Variants in SYTL3 observed in about 807,000 individuals in gnomAD.
The protein encoded by SYTL3 is synaptotagmin like 3.
A neutral mutation model predicts 82.1 loss-of-function variants in SYTL3; 88 were observed. The ratio of observed to expected loss-of-function variants is 1.07; its 90% CI spans 0.90 to 1.28. SYTL3 has a LOEUF of 1.28. SYTL3 is among the 50% of genes most tolerant of loss of function. The pLI is 0.00. For missense variants in SYTL3, 831 were observed against 757.6 expected (o/e 1.10, Z -1.14); for synonymous variants, 311 against 289.4 (o/e 1.07, Z -0.76).
intron 6 of SYTL3, among the ~76,000 whole-genome samples, chr6:158,693,696 G>A (rs1271086682): frequency 8.2e-6 from 1 of 122,006 alleles, no homozygotes; most frequent in Non-Finnish European, 1.5e-5. Flanking sequence ...CTTTCTTTTC[G>A]TTTTCTTTCT....
chr6:158,764,579 C>G lies in SYTL3; in HGVS notation c.1808C>G (p.Thr603Arg), dbSNP rs1246579890. 6.8e-6 allele frequency: 11 copies of G among 1,613,848 alleles called. No homozygotes were observed. Among genetic ancestry groups the G allele is most frequent in the Admixed American group, 5.0e-5 (3 of 60,004 alleles). ...GTCCTTTCCAGCCCCAATCTATGGA[C>G]AGACATGACTCTTGTCCTGCACTGA... is the stretch of plus-strand genomic sequence containing the variant. Reference protein sequence around the residue: ...QKVLSSPNLWTDMTLVLH With the variant: ...QKVLSSPNLWRDMTLVLH Residue 603 changes from threonine (T) to arginine (R), a missense_variant, in exon 18 of 18, where the codon ACA becomes AGA. Coordinates refer to ENST00000611299, the MANE Select transcript of SYTL3 (RefSeq NM_001242394.2).
rs767467160 is a variant in SYTL3 at position 158,763,463 on chromosome 6, CTT to C, written c.1679_1680del (p.Phe560TrpfsTer53). 18 of 1,614,184 alleles carry C rather than the reference CTT, an allele frequency of 1.1e-5. No individual in the cohort carries two copies. The highest frequency in any genetic ancestry group is 6.8e-6 in the Non-Finnish European group (8 of 1,180,030). On this transcript the variant is annotated frameshift_variant, in exon 17 of 18. Coordinates refer to ENST00000611299, the MANE Select transcript of SYTL3 (RefSeq NM_001242394.2). LOFTEE classifies it low-confidence loss of function (END_TRUNC). ...AGTTAACTGTCTGGGATCAGGCCCT[CTT>C]TGGAATGAACGACCGCTTGCTTGGA... ...LELTVWDQAL[F>X]GMNDRLLGGT...
intron 11 of SYTL3, among the ~76,000 whole-genome samples, chr6:158,729,098 A>G (rs1289069051): frequency 6.6e-6 from 1 of 152,166 alleles, no homozygotes; most frequent in Admixed American, 6.5e-5. Flanking sequence ...TTTTTTGCCT[A>G]GAATTGTGAC....
At chr6:158,715,616 C>CACACACACACACACACACACACAT (rs1491486346) in intron 9 of SYTL3, among the ~76,000 whole-genome samples, 15 of 142,916 alleles carry the variant, frequency 1.0e-4, no homozygotes, top group African/African-American at 3.4e-4. Context: ...CACACACACA[C>CACACACACACACACACACACACAT]GCACGCACCC....
intron 10 of SYTL3, among the ~76,000 whole-genome samples, chr6:158,722,244 T>C (rs1784199892): frequency 6.6e-6 from 1 of 152,068 alleles, no homozygotes; most frequent in Non-Finnish European, 1.5e-5. Context: ...CATTGTAGCT[T>C]CTACCTCCTG....
chr6:158,648,442 T>C (rs1787634568), upstream of SYTL3, among the ~76,000 whole-genome samples: 1 of 151,008 alleles, frequency 6.6e-6, no homozygotes, highest in Admixed American at 6.6e-5. Context: ...ATACAAAAAA[T>C]TAGCTGGGTG....
intron 5 of SYTL3, among the ~76,000 whole-genome samples, chr6:158,680,408 A>G (rs941410861): frequency 2.0e-5 from 3 of 152,102 alleles, no homozygotes; most frequent in Non-Finnish European, 4.4e-5. Context: ...TACACTTTAT[A>G]TATTTTTGGC....
rs921639489 is a variant in SYTL3 at position 158,662,737 on chromosome 6, T to C, written c.-519-13T>C. The C allele has an allele frequency of 5.9e-5, 9 of 152,274 alleles. No individual in the cohort carries two copies. Among genetic ancestry groups the C allele is most frequent in the African/African-American group, 1.9e-4 (8 of 41,466 alleles). The allele number at this position is 152,274 out of a possible 1,614,324, so 9.4% of individuals were successfully genotyped here. Reference sequence around the variant, plus strand: ...AAGAAAAATGTTGCCATTTTTTGTTTTCTTTTCTGCAGGTATTGAACGGGC... The same window carrying C: ...AAGAAAAATGTTGCCATTTTTTGTTCTCTTTTCTGCAGGTATTGAACGGGC... On this transcript the variant is annotated splice_polypyrimidine_tract_variant and intron_variant, in intron 3 of 17. Coordinates refer to ENST00000611299, the MANE Select transcript of SYTL3 (RefSeq NM_001242394.2).
chr6:158,725,909 T>C, intron 11 of SYTL3: 2 of 688,944 alleles, frequency 2.9e-6, no homozygotes, highest in South Asian at 2.9e-5. Context: ...TAGCTTTCTA[T>C]AATGCAGCAT....
intron 2 of SYTL3, among the ~76,000 whole-genome samples, chr6:158,654,972 G>A (rs1336669501): frequency 6.6e-6 from 1 of 152,172 alleles, no homozygotes. Flanking sequence ...TGTAGCAGGG[G>A]AGTTAGGAGA....
At chr6:158,743,702 T>TCTGCCCAG (rs1174800449) in intron 11 of SYTL3, among the ~76,000 whole-genome samples, 1 of 143,304 alleles carries the variant, frequency 7.0e-6, no homozygotes, top group Non-Finnish European at 1.5e-5. Flanking sequence ...TGCCTCTGCC[T>TCTGCCCAG]CCCAAAGTGC....
intron 1 of SYTL3, among the ~76,000 whole-genome samples, chr6:158,651,088 T>C (rs938288454): frequency 1.3e-5 from 2 of 152,192 alleles, no homozygotes; most frequent in Non-Finnish European, 2.9e-5. Context: ...GAGTGTGAGT[T>C]TAGGTAAGTT....
chr6:158,683,215 C>CTTTTTTTTTTTTTTTTTT (rs35183958), intron 6 of SYTL3, among the ~76,000 whole-genome samples: 1 of 92,112 alleles, frequency 1.1e-5, no homozygotes, highest in Non-Finnish European at 2.0e-5. Flanking sequence ...GGCCCTATTC[C>CTTTTTTTTTTTTTTTTTT]TTTTTTTTTT....
At chr6:158,650,951 A>C (rs1031964748) in intron 1 of SYTL3, among the ~76,000 whole-genome samples, 1 of 152,062 alleles carries the variant, frequency 6.6e-6, no homozygotes, top group African/African-American at 2.4e-5. Context: ...ACTCCGTCTC[A>C]AAAAAAGAAA....
At position 158,725,516 on chromosome 6, in the gene SYTL3, C is replaced by T. The variant is rs1400017059; in HGVS notation, c.734C>T (p.Pro245Leu). 2 of 1,613,892 alleles carry T rather than the reference C, an allele frequency of 1.2e-6. No homozygotes were observed. The highest frequency in any genetic ancestry group is 2.2e-5 in the East Asian group (1 of 44,896). ...TTCCTTCTCCAGAAGGTCAGTGCAC[C>T]AGATATTCTGAAACCTCTCAATCAA... Reference protein sequence around the residue: ...VNVTTRKVSAPDILKPLNQED... With the variant: ...VNVTTRKVSALDILKPLNQED... The change falls in exon 11 of 18, where the codon CCA becomes CTA. Residue 245 changes from proline to leucine, a missense_variant. Pro to Leu is a moderately conservative substitution (Grantham distance 98). Transcript: ENST00000611299.
chr6:158,750,053 T>C (rs1401942052), intron 12 of SYTL3, among the ~76,000 whole-genome samples: 1 of 152,184 alleles, frequency 6.6e-6, no homozygotes, highest in East Asian at 1.9e-4. Context: ...TTCAGTGGAA[T>C]GATACGTAGG....
At chr6:158,754,872 C>G (rs532421710) in intron 13 of SYTL3, among the ~76,000 whole-genome samples, 1 of 152,198 alleles carries the variant, frequency 6.6e-6, no homozygotes, top group Non-Finnish European at 1.5e-5. Flanking sequence ...CCTGGGGGCC[C>G]GAGCCCGACC....
intron 7 of SYTL3, among the ~76,000 whole-genome samples, chr6:158,708,022 C>T (rs966003291): frequency 2.0e-5 from 3 of 152,110 alleles, no homozygotes; most frequent in East Asian, 1.9e-4. Flanking sequence ...CAGGGGTTTC[C>T]CCGCAGCCAG....
intron 2 of SYTL3, among the ~76,000 whole-genome samples, chr6:158,658,741 A>G (rs1346222915): frequency 6.7e-6 from 1 of 148,934 alleles, no homozygotes; most frequent in Non-Finnish European, 1.5e-5. Flanking sequence ...CCTGGCCAAC[A>G]TGGTGAAACC....
Sources: gnomAD v4.1 joint callset for allele counts (sites outside exome capture counted in the v4.1 genomes callset) on GRCh38, gnomAD v4.1.1 for gene constraint, MANE v1.5 for transcripts, NCBI Gene and HGNC (gene_info 2026-07-23, HGNC 2026-07-21) for gene names.